Variants in UBE4B observed in about 807,000 individuals in gnomAD.
The protein encoded by UBE4B is ubiquitin conjugation factor E4 B.
UBE4B carries 27 observed loss-of-function variants against 148.1 expected under a neutral mutation model. The ratio of observed to expected loss-of-function variants is 0.18; its 90% CI spans 0.13 to 0.25. The LOEUF (loss-of-function observed/expected upper bound fraction) is 0.25. Ranked by LOEUF, UBE4B falls within the 10% of genes least tolerant of loss-of-function variation. The probability of loss-of-function intolerance (pLI) is 1.00; values close to 1 mark genes in which losing one functional copy is unlikely to be tolerated. For missense variants in UBE4B, 1,170 were observed against 1,662.4 expected, an observed-to-expected ratio of 0.70 and a Z score of 5.15; for synonymous variants, 596 against 619.3, an observed-to-expected ratio of 0.96 and a Z score of 0.56.
intron 3 of UBE4B, among the ~76,000 whole-genome samples, chr1:10,097,436 T>C (rs1345283370): frequency 6.6e-6 from 1 of 152,192 alleles, no homozygotes; most frequent in Non-Finnish European, 1.5e-5. Context: ...TTCTGCTCAC[T>C]CTTATTCCAC....
At chr1:10,101,038 C>G (rs1645001983) in intron 3 of UBE4B, 70 bp from the exon 4 acceptor site, 5 of 1,344,330 alleles carry the variant, frequency 3.7e-6, no homozygotes, top group Non-Finnish European at 4.2e-6. Context: ...CATTTTCTCA[C>G]CCAGCAGCTA....
intron 7 of UBE4B, among the ~76,000 whole-genome samples, chr1:10,113,100 A>C (rs1041220021): frequency 2.3e-4 from 35 of 152,316 alleles, no homozygotes; most frequent in African/African-American, 7.7e-4. Flanking sequence ...GCTGTTCAAG[A>C]AGCATGACAC....
intron 8 of UBE4B, among the ~76,000 whole-genome samples, chr1:10,119,204 C>G (rs1645370930): frequency 6.6e-6 from 1 of 151,876 alleles, no homozygotes; most frequent in Non-Finnish European, 1.5e-5. Context: ...AACTTCTGAC[C>G]TCAAGTGATT....
Position 10,074,174 on chromosome 1 carries a change from C to T in UBE4B, c.211+1960C>T, listed in dbSNP as rs974583686. ...GCAGGGAACCTCCATCAGCCTCAGT[C>T]ATCACATCCATCTGCCTACCTGTAT... On this transcript the variant is annotated intron_variant, in intron 2 of 27. Coordinates refer to ENST00000343090, the MANE Select transcript of UBE4B (RefSeq NM_001105562.3). Among the ~76,000 whole-genome samples, 3 of 152,106 alleles carry T rather than the reference C, an allele frequency of 2.0e-5. No individual in the cohort carries two copies. The South Asian group carries it at 6.2e-4, about 32-fold the overall frequency.
chr1:10,103,070 G>T lies in UBE4B; in HGVS notation c.558G>T (p.Gln186His). 6.2e-7 allele frequency: 1 copy of T among 1,608,648 alleles called. No individual in the cohort carries two copies. Among genetic ancestry groups the T allele is most frequent in the Non-Finnish European group, 8.5e-7 (1 of 1,177,016 alleles). Residue 186 changes from glutamine to histidine, a missense_variant, in exon 5 of 28, where the codon CAG becomes CAT. By Grantham distance (24) the Gln-to-His change is conservative. Around this residue, in one of 6 missense-constraint regions of UBE4B, gnomAD observed 91 missense variants for 120.5 expected, o/e 0.76. Transcript: ENST00000343090. ...TCTTTCTTTCTTCTCTTTCTGCACA[G>T]TTTAAGCAGAACCCAAAAGAAGGTA... ...DVIFLSSLSAQFKQNPKEVFS... is the reference protein window; with the variant it reads ...DVIFLSSLSAHFKQNPKEVFS...
At chr1:10,104,680 T>C (rs1291197283) in intron 5 of UBE4B, among the ~76,000 whole-genome samples, 9 of 152,240 alleles carry the variant, frequency 5.9e-5, no homozygotes, top group Admixed American at 4.6e-4. Flanking sequence ...GTTATTCTTA[T>C]TATAAATCTT....
intron 24 of UBE4B, among the ~76,000 whole-genome samples, chr1:10,170,240 C>T (rs990041948): frequency 2.0e-5 from 3 of 152,176 alleles, no homozygotes; most frequent in Admixed American, 6.5e-5. Context: ...TCAGATCTCT[C>T]CTACTTCAAA....
chr1:10,134,294 T>A (rs1433512050), intron 15 of UBE4B, among the ~76,000 whole-genome samples: 1 of 152,066 alleles, frequency 6.6e-6, no homozygotes, highest in East Asian at 1.9e-4. Flanking sequence ...GCGTATCACC[T>A]GAGGTCAGGA....
intron 3 of UBE4B, among the ~76,000 whole-genome samples, chr1:10,096,559 A>C (rs1012908440): frequency 6.6e-6 from 1 of 152,010 alleles, no homozygotes; most frequent in African/African-American, 2.4e-5. Context: ...TGTTGCTACT[A>C]AAAATACAAA....
chr1:10,109,480 G>A (rs78355390), intron 7 of UBE4B, among the ~76,000 whole-genome samples: 1,780 of 152,146 alleles, frequency 0.012, 32 homozygotes, highest in African/African-American at 0.04. Context: ...CTTGTTGGCC[G>A]TTACAGTGAA....
At chr1:10,065,064 T>G (rs1052405375) in intron 1 of UBE4B, among the ~76,000 whole-genome samples, 1 of 152,100 alleles carries the variant, frequency 6.6e-6, no homozygotes, top group African/African-American at 2.4e-5. Context: ...CGCCTGGCCC[T>G]AAAAATTTTT....
At chr1:10,150,339 T>A (rs1369057400) in intron 20 of UBE4B, among the ~76,000 whole-genome samples, 1 of 152,212 alleles carries the variant, frequency 6.6e-6, no homozygotes, top group Non-Finnish European at 1.5e-5. Context: ...CAAGTCACAT[T>A]TTAAAATTTG....
chr1:10,036,916 A>G (rs1458878988), intron 1 of UBE4B, among the ~76,000 whole-genome samples: 2 of 152,216 alleles, frequency 1.3e-5, no homozygotes, highest in African/African-American at 2.4e-5. Context: ...ATGAAAATGT[A>G]TGATTATACA....
chr1:10,052,093 G>C (rs1032815791), intron 1 of UBE4B, among the ~76,000 whole-genome samples: 3 of 150,816 alleles, frequency 2.0e-5, no homozygotes, highest in African/African-American at 7.3e-5. Context: ...TTGAGACGGG[G>C]TCTTGCTCTG....
intron 2 of UBE4B, among the ~76,000 whole-genome samples, chr1:10,093,555 ATTC>A (rs1315915436): frequency 6.6e-6 from 1 of 152,216 alleles, no homozygotes; most frequent in East Asian, 1.9e-4. Flanking sequence ...GTTTTATAAT[ATTC>A]TTCAATGAAG....
At chr1:10,111,776 G>A (rs1003021374) in intron 7 of UBE4B, among the ~76,000 whole-genome samples, 5 of 152,070 alleles carry the variant, frequency 3.3e-5, no homozygotes, top group Admixed American at 6.6e-5. Context: ...GGCCAACATG[G>A]CGAAACCTCT....
intron 1 of UBE4B, 66 bp downstream of exon 1, chr1:10,033,760 G>A: frequency 6.8e-7 from 1 of 1,462,750 alleles, no homozygotes; most frequent in Middle Eastern, 1.8e-4. Flanking sequence ...GACAGGGATG[G>A]TATTGCGCCA....
intron 5 of UBE4B, among the ~76,000 whole-genome samples, chr1:10,104,710 A>T (rs1287282301): frequency 6.6e-6 from 1 of 152,332 alleles, no homozygotes; most frequent in Admixed American, 6.5e-5. Context: ...TGTCTTACAC[A>T]TGTAAGTGGC....
chr1:10,143,676 T>C (rs959766588), intron 17 of UBE4B, among the ~76,000 whole-genome samples: 1 of 152,214 alleles, frequency 6.6e-6, no homozygotes, highest in Non-Finnish European at 1.5e-5. Context: ...CATTCTTTTG[T>C]CTACCATACT....
Sources: gnomAD v4.1 joint callset for allele counts (sites outside exome capture counted in the v4.1 genomes callset) on GRCh38, gnomAD v4.1.1 for gene constraint, gnomAD v4.1.1 regional missense constraint, MANE v1.5 for transcripts, NCBI Gene and HGNC (gene_info 2026-07-23, HGNC 2026-07-21) for gene names.